DUSP16: variants seen among roughly 807,000 people sequenced by gnomAD.
DUSP16 encodes the protein dual specificity protein phosphatase 16.
DUSP16 carries 21 observed loss-of-function variants against 58.3 expected under a neutral mutation model. The ratio of observed to expected loss-of-function variants is 0.36; its 90% CI spans 0.26 to 0.52. The LOEUF is 0.52. Among genes scored for constraint, DUSP16 ranks in the 20% least tolerant of loss-of-function variants. DUSP16 has a pLI of 0.94. For synonymous variants in DUSP16, 320 were observed against 323.8 expected, an observed-to-expected ratio of 0.99 and a Z score of 0.12; for missense variants, 726 against 819.0, an observed-to-expected ratio of 0.89 and a Z score of 1.39.
At chr12:12,561,914 C>T (rs1041630408) in intron 1 of DUSP16, among the ~76,000 whole-genome samples, 1 of 150,514 alleles carries the variant, frequency 6.6e-6, no homozygotes, top group African/African-American at 2.4e-5. Context: ...CTCCTGCGGC[C>T]CCCGGCCGCG....
intron 5 of DUSP16, among the ~76,000 whole-genome samples, chr12:12,483,648 G>A (rs114999449): frequency 0.076 from 11,569 of 152,066 alleles, 490 homozygotes; most frequent in Middle Eastern, 0.099. Context: ...AGGAGAGCTG[G>A]AGGAAGAGCC....
chr12:12,477,824 G>A lies in DUSP16; in HGVS notation c.1007C>T (p.Pro336Leu), dbSNP rs1207191880. ...AGAGTCGGCACAGGGTGGACTGAGG[G>A]GCGTCTCGCTTTTCTGTCCACCCTC... ...VSEGGQKSET[P>L]LSPPCADSAT... The change falls in exon 7 of 7, where the codon CCC becomes CTC. Residue 336 changes from proline (P) to leucine (L), a missense_variant. By Grantham distance (98) the Pro-to-Leu change is moderately conservative. Transcript: ENST00000298573. This position sits in a 1 kb window ranked among gnomAD's most constrained non-coding sequence, Gnocchi z 4.1. 3.7e-6 allele frequency: 6 copies of A among 1,614,030 alleles called. No individual in the cohort carries two copies. Among genetic ancestry groups the A allele is most frequent in the Middle Eastern group, 1.6e-4 (1 of 6,062 alleles).
At chr12:12,478,583 A>G (rs2136187366) in intron 6 of DUSP16, among the ~76,000 whole-genome samples, 1 of 152,182 alleles carries the variant, frequency 6.6e-6, no homozygotes. Flanking sequence ...TGATTCTCCC[A>G]CCTTGGCCTC....
At chr12:12,484,779 G>GC (rs1035799843) in intron 5 of DUSP16, among the ~76,000 whole-genome samples, 1 of 151,864 alleles carries the variant, frequency 6.6e-6, no homozygotes, top group Non-Finnish European at 1.5e-5. Flanking sequence ...CCGCCACCAT[G>GC]CCCGACTAAT....
intron 1 of DUSP16, among the ~76,000 whole-genome samples, chr12:12,550,871 C>G (rs116345816): frequency 0.011 from 1,630 of 151,806 alleles, 31 homozygotes; most frequent in African/African-American, 0.037. Flanking sequence ...GCACATGTAC[C>G]CCAAAACTTA....
rs1944277339 is a variant in DUSP16 at position 12,524,602 on chromosome 12, T to G, written c.-365-3139A>C. Among the ~76,000 whole-genome samples, 7 of 152,252 alleles carry G rather than the reference T, an allele frequency of 4.6e-5. No individual in the cohort carries two copies. In the South Asian group the frequency reaches 1.4e-3, roughly 31 times the overall value. ...ATTTGAAAGATGACAAGAGAATATT[T>G]TGCTTGCAACATCACCAAGCTAATC... On this transcript the variant is annotated intron_variant, in intron 1 of 6. Coordinates refer to ENST00000298573, the MANE Select transcript of DUSP16 (RefSeq NM_030640.3).
At chr12:12,480,788 G>A (rs1350221048) in intron 5 of DUSP16, among the ~76,000 whole-genome samples, 2 of 152,032 alleles carry the variant, frequency 1.3e-5, no homozygotes, top group Non-Finnish European at 2.9e-5. Context: ...GCACGATGTC[G>A]GCTCATTGCA....
chr12:12,504,595 A>G (rs1310465400), intron 3 of DUSP16, among the ~76,000 whole-genome samples: 4 of 150,766 alleles, frequency 2.7e-5, no homozygotes, highest in African/African-American at 9.8e-5. Context: ...CTGTCTTCAT[A>G]TATTTTTCAA....
chr12:12,532,870 C>A (rs1236031019), intron 1 of DUSP16, among the ~76,000 whole-genome samples: 2 of 151,674 alleles, frequency 1.3e-5, no homozygotes, highest in African/African-American at 4.8e-5. Context: ...ATCGCTTGAA[C>A]CTGGGAGGCG....
rs1319208684 is a variant in DUSP16, at chr12:12,477,367, T to G, written c.1464A>C (p.Arg488Ser). ...TCTGGGCGGTGCCACTGCTGCTGGT[T>G]CTGACCGAATGCAATCGCTTGCTCT... ...DSQSKRLHSV[R>S]TSSSGTAQRS... Residue 488 changes from arginine to serine, a missense_variant, in exon 7 of 7, where the codon AGA (arginine) becomes AGC (serine). Transcript: ENST00000298573. This position sits in a 1 kb window ranked among gnomAD's most constrained non-coding sequence, Gnocchi z 4.1. The G allele has an allele frequency of 6.2e-7, 1 of 1,614,076 alleles. No individual in the cohort carries two copies. The highest frequency in any genetic ancestry group is 1.7e-5 in the Admixed American group (1 of 60,012).
chr12:12,539,305 A>G (rs550608417), intron 1 of DUSP16, among the ~76,000 whole-genome samples: 1 of 152,356 alleles, frequency 6.6e-6, no homozygotes, highest in East Asian at 1.9e-4. Flanking sequence ...TATAATTTGA[A>G]TAATAATAAA....
At chr12:12,515,145 TTA>T (rs1389852253) in intron 3 of DUSP16, among the ~76,000 whole-genome samples, 1 of 152,108 alleles carries the variant, frequency 6.6e-6, no homozygotes, top group Non-Finnish European at 1.5e-5. Context: ...ATATACTTAA[TTA>T]TATAAGCTTT....
At chr12:12,497,828 G>A (rs1242539233) in intron 4 of DUSP16, among the ~76,000 whole-genome samples, 1 of 152,072 alleles carries the variant, frequency 6.6e-6, no homozygotes, top group Non-Finnish European at 1.5e-5. Context: ...AAATTAGTCA[G>A]GCATGGTGGT....
At chr12:12,526,099 ACTAT>A (rs1415708683) in intron 1 of DUSP16, among the ~76,000 whole-genome samples, 5 of 152,242 alleles carry the variant, frequency 3.3e-5, no homozygotes, top group Non-Finnish European at 7.3e-5. Flanking sequence ...GTTTTAAAAG[ACTAT>A]CTAGGAATAA....
At position 12,532,719 on chromosome 12, in the gene DUSP16, G is replaced by A. The variant is rs560805933; in HGVS notation, c.-365-11256C>T. ...TCCTAGCACTTTGGGAGGCCAAGGC[G>A]GGCAGATCACCTGAGGTCAAGAATT... On this transcript the variant is annotated intron_variant, in intron 1 of 6. Coordinates refer to ENST00000298573, the MANE Select transcript of DUSP16 (RefSeq NM_030640.3). 2.6e-5 allele frequency among the ~76,000 whole-genome samples: 4 copies of A among 152,150 alleles called. No individual in the cohort carries two copies. In the East Asian group the frequency reaches 5.8e-4, roughly 22 times the overall value.
At chr12:12,555,498 AAGT>A (rs1336403572) in intron 1 of DUSP16, among the ~76,000 whole-genome samples, 1 of 152,236 alleles carries the variant, frequency 6.6e-6, no homozygotes, top group African/African-American at 2.4e-5. Context: ...CGCACACTGT[AAGT>A]AGCATATACT....
intron 3 of DUSP16, among the ~76,000 whole-genome samples, chr12:12,502,656 A>G (rs1287053848): frequency 6.7e-6 from 1 of 150,184 alleles, no homozygotes; most frequent in Non-Finnish European, 1.5e-5. Context: ...AGTTCAAGAG[A>G]TTCTCCTGCC....
intron 1 of DUSP16, among the ~76,000 whole-genome samples, chr12:12,550,347 T>C (rs1331995695): frequency 1.3e-5 from 2 of 151,874 alleles, no homozygotes; most frequent in African/African-American, 4.8e-5. Context: ...ACACCAGCAG[T>C]TTTCAAAGTG....
chr12:12,556,158 T>C (rs1202068089), intron 1 of DUSP16, among the ~76,000 whole-genome samples: 2 of 152,266 alleles, frequency 1.3e-5, no homozygotes, highest in South Asian at 2.1e-4. Context: ...AAGTATTTTG[T>C]AGATGAAAAT....
Sources: gnomAD v4.1 joint callset for allele counts (sites outside exome capture counted in the v4.1 genomes callset) on GRCh38, gnomAD v4.1.1 for gene constraint, Gnocchi (gnomAD v3.1) non-coding constraint, MANE v1.5 for transcripts, NCBI Gene and HGNC (gene_info 2026-07-23, HGNC 2026-07-21) for gene names.